Variants in PAFAH1B1 observed in about 807,000 individuals in gnomAD.
PAFAH1B1 encodes the protein platelet activating factor acetylhydrolase 1b regulatory subunit 1.
In PAFAH1B1, 2 loss-of-function variants were observed where a neutral mutation model predicts 57.5. That is an observed-to-expected ratio of 0.03 (90% CI 0.01 to 0.11). The LOEUF is 0.11. Ranked by LOEUF, PAFAH1B1 falls within the 10% of genes least tolerant of loss-of-function variation. The probability of loss-of-function intolerance (pLI) is 1.00; values close to 1 mark genes in which losing one functional copy is unlikely to be tolerated. For synonymous variants in PAFAH1B1, 152 were observed against 169.6 expected (o/e 0.90, Z 0.81); for missense variants, 257 against 512.0 (o/e 0.50, Z 4.81).
At chr17:2,671,651 G>A (rs112464532) in intron 6 of PAFAH1B1, among the ~76,000 whole-genome samples, 1,869 of 131,480 alleles carry the variant, frequency 0.014, 52 homozygotes, top group African/African-American at 0.053. Flanking sequence ...CACCCAAGCT[G>A]GAGTACAGTG....
At chr17:2,649,077 G>C (rs1345018108) in intron 2 of PAFAH1B1, among the ~76,000 whole-genome samples, 1 of 151,970 alleles carries the variant, frequency 6.6e-6, no homozygotes. Context: ...AGGTGGGGGT[G>C]GCTCACACCT....
Position 2,680,439 on chromosome 17 carries a change from G to A in PAFAH1B1, c.1159+119G>A. The A allele has an allele frequency of 3.4e-6, 3 of 878,686 alleles. 1 individual carries two copies. In the East Asian group the frequency reaches 7.2e-5, roughly 21 times the overall value. The allele number at this position is 878,686 out of a possible 1,614,324, so 54.4% of individuals were successfully genotyped here. A position where few individuals can be genotyped will look rare whatever the true frequency, so the allele number is the denominator to read the frequency against. Reference sequence around the variant, plus strand: ...ATGACTGTGCTTTCAGGGCAGAATAGAGAAGACATGAAAATCTTGTGGATT... The same window carrying A: ...ATGACTGTGCTTTCAGGGCAGAATAAAGAAGACATGAAAATCTTGTGGATT... On this transcript the variant is annotated intron_variant, in intron 10 of 10. Coordinates refer to ENST00000397195, the MANE Select transcript of PAFAH1B1 (RefSeq NM_000430.4).
At chr17:2,668,337 A>G (rs2069136041) in intron 5 of PAFAH1B1, among the ~76,000 whole-genome samples, 1 of 148,956 alleles carries the variant, frequency 6.7e-6, no homozygotes, top group African/African-American at 2.6e-5. Flanking sequence ...GGTAGTTACA[A>G]CTAACCAAAT....
intron 10 of PAFAH1B1, 47 bp from the exon 11 acceptor site, chr17:2,681,682 C>G (rs770089496): frequency 1.4e-6 from 2 of 1,460,296 alleles, no homozygotes; most frequent in Non-Finnish European, 1.9e-6. Flanking sequence ...TGTTTGTTGT[C>G]CAGGCTTACG....
intron 2 of PAFAH1B1, among the ~76,000 whole-genome samples, chr17:2,662,849 G>A (rs2069036909): frequency 6.6e-6 from 1 of 152,088 alleles, no homozygotes; most frequent in Non-Finnish European, 1.5e-5. Context: ...AGTGGCTAAC[G>A]CCTGTAATCC....
chr17:2,609,179 T>C (rs371243978), intron 1 of PAFAH1B1, among the ~76,000 whole-genome samples: 1 of 152,200 alleles, frequency 6.6e-6, no homozygotes, highest in African/African-American at 2.4e-5. Context: ...CTTGAATTTT[T>C]TTTTCCCCCT....
At chr17:2,628,263 CAG>C (rs1318767201) in intron 1 of PAFAH1B1, among the ~76,000 whole-genome samples, 6 of 152,138 alleles carry the variant, frequency 3.9e-5, no homozygotes, top group South Asian at 2.1e-4. Flanking sequence ...GCTGATTTTG[CAG>C]AGAGTTTTAA....
At chr17:2,657,567 G>GT (rs982147746) in intron 2 of PAFAH1B1, among the ~76,000 whole-genome samples, 83 of 152,288 alleles carry the variant, frequency 5.5e-4, no homozygotes, top group African/African-American at 1.9e-3. Flanking sequence ...TTGATCAGAT[G>GT]TTTTTAGGTA....
intron 6 of PAFAH1B1, among the ~76,000 whole-genome samples, chr17:2,672,146 G>T (rs1309657006): frequency 6.6e-6 from 1 of 151,756 alleles, no homozygotes; most frequent in Non-Finnish European, 1.5e-5. Flanking sequence ...ACCAGATGTG[G>T]TGGTACACAC....
At position 2,676,637 on chromosome 17, in the gene PAFAH1B1, G is replaced by A. The variant is rs760830100; in HGVS notation, c.1002+31G>A. On this transcript the variant is annotated intron_variant, in intron 9 of 10. Coordinates refer to ENST00000397195, the MANE Select transcript of PAFAH1B1 (RefSeq NM_000430.4). ...TTTGCATAATCTTACCATTTCTTTTGCATCTTCACTGTTTATACCTTTTTG... is the reference window on the plus strand; with the variant it reads ...TTTGCATAATCTTACCATTTCTTTTACATCTTCACTGTTTATACCTTTTTG... The A allele has an allele frequency of 2.4e-6, 3 of 1,241,766 alleles. No individual in the cohort carries two copies. In the South Asian group the frequency reaches 3.6e-5, roughly 15 times the overall value. The allele number at this position is 1,241,766 out of a possible 1,614,324, so 76.9% of individuals were successfully genotyped here. A position where few individuals can be genotyped will look rare whatever the true frequency, so the allele number is the denominator to read the frequency against.
intron 2 of PAFAH1B1, among the ~76,000 whole-genome samples, chr17:2,650,583 C>T (rs1476146154): frequency 7.0e-6 from 1 of 142,956 alleles, no homozygotes; most frequent in Admixed American, 7.2e-5. Flanking sequence ...TGGGAGGATC[C>T]TGGGAGGTCT....
At chr17:2,640,184 A>G (rs1330184842) in intron 2 of PAFAH1B1, 2 of 152,174 alleles carry the variant, frequency 1.3e-5, no homozygotes, top group East Asian at 1.9e-4. Context: ...AGGATATTCT[A>G]TAAAACCATA....
At chr17:2,596,648 T>C (rs2068086817) in intron 1 of PAFAH1B1, among the ~76,000 whole-genome samples, 1 of 152,180 alleles carries the variant, frequency 6.6e-6, no homozygotes, top group Admixed American at 6.5e-5. Flanking sequence ...TTGTTCTTTT[T>C]AATATGATTA....
chr17:2,675,307 A>G (rs1053233321), intron 8 of PAFAH1B1, among the ~76,000 whole-genome samples: 1 of 152,160 alleles, frequency 6.6e-6, no homozygotes, highest in East Asian at 1.9e-4. Context: ...CTGGCTTCAC[A>G]TTGATTTTGA....
At chr17:2,631,825 G>C (rs1001523587) in intron 1 of PAFAH1B1, among the ~76,000 whole-genome samples, 1 of 152,156 alleles carries the variant, frequency 6.6e-6, no homozygotes, top group Non-Finnish European at 1.5e-5. Flanking sequence ...ATGCAGCTCT[G>C]TCCGAAGCTG....
At chr17:2,678,981 C>T (rs1376474841) in intron 9 of PAFAH1B1, among the ~76,000 whole-genome samples, 2 of 152,146 alleles carry the variant, frequency 1.3e-5, no homozygotes, top group Non-Finnish European at 2.9e-5. Flanking sequence ...TGAAATGTGG[C>T]TAGTGAGACT....
chr17:2,655,181 A>ATGTGTGTGTGTGTG (rs1436866557), intron 2 of PAFAH1B1, among the ~76,000 whole-genome samples: 155 of 122,738 alleles, frequency 1.3e-3, no homozygotes, highest in African/African-American at 4.9e-3. Flanking sequence ...ATATATACAT[A>ATGTGTGTGTGTGTG]TATGTGTGTG....
chr17:2,613,591 C>A, intron 1 of PAFAH1B1: 1 of 284,694 alleles, frequency 3.5e-6, no homozygotes. Flanking sequence ...GGTGCTCCCC[C>A]GTCAGCAGTG....
rs532473586 is a variant in PAFAH1B1 at position 2,664,344 on chromosome 17, G to A, written c.33-1028G>A. On this transcript the variant is annotated intron_variant, in intron 2 of 10. Coordinates refer to ENST00000397195, the MANE Select transcript of PAFAH1B1 (RefSeq NM_000430.4). Reference sequence around the variant, plus strand: ...CACAGCCTCCACCTCCCAGGTTCAAGTGATTCTCCTGCCTCAGCTTCCCAA... The same window carrying A: ...CACAGCCTCCACCTCCCAGGTTCAAATGATTCTCCTGCCTCAGCTTCCCAA... Among the ~76,000 whole-genome samples the A allele has an allele frequency of 3.9e-5, 6 of 151,962 alleles. No homozygotes were observed. The East Asian group carries it at 1.2e-3, about 29-fold the overall frequency.
Sources: allele counts gnomAD v4.1 joint callset (sites outside exome capture counted in the v4.1 genomes callset), GRCh38; gene constraint gnomAD v4.1.1; transcripts MANE v1.5; gene names NCBI Gene and HGNC (gene_info 2026-07-23, HGNC 2026-07-21).